The following MARCHF10 variants were observed in gnomAD, a reference collection of about 807,000 sequenced individuals.
The protein encoded by MARCHF10 is membrane associated ring-CH-type finger 10.
In MARCHF10, 64 loss-of-function variants were observed where a neutral mutation model predicts 76.2. That is an observed-to-expected ratio of 0.84 (90% CI 0.69 to 1.03). The LOEUF is 1.03. MARCHF10 is among the 50% of genes least tolerant of loss of function. The pLI is 0.00. For missense variants in MARCHF10, 875 were observed against 958.0 expected (o/e 0.91, Z 1.14); for synonymous variants, 340 against 357.5 (o/e 0.95, Z 0.55).
intron 3 of MARCHF10, among the ~76,000 whole-genome samples, chr17:62,762,512 G>A (rs558622255): frequency 1.3e-5 from 2 of 152,206 alleles, no homozygotes; most frequent in Admixed American, 6.5e-5. Flanking sequence ...TCTTTATTCT[G>A]TCTTCTTACG....
intron 6 of MARCHF10, among the ~76,000 whole-genome samples, chr17:62,727,458 C>G (rs967517396): frequency 6.6e-6 from 1 of 151,820 alleles, no homozygotes; most frequent in Non-Finnish European, 1.5e-5. Flanking sequence ...GGCTTGAGCT[C>G]AGGAGTTCAA....
chr17:62,772,050 G>A (rs1324761732), intron 3 of MARCHF10, among the ~76,000 whole-genome samples: 2 of 152,172 alleles, frequency 1.3e-5, no homozygotes, highest in African/African-American at 2.4e-5. Flanking sequence ...ACTTGGTGAC[G>A]AATTCAGTGC....
rs374170581 is a variant in MARCHF10 at position 62,736,666 on chromosome 17, A to T, written c.1202T>A (p.Leu401His). 2.5e-6 allele frequency: 4 copies of T among 1,614,012 alleles called. No homozygotes were observed. Among genetic ancestry groups the T allele is most frequent in the Non-Finnish European group, 3.4e-6 (4 of 1,180,026 alleles). ...GGSENAKKSP[L>H]SWDTKSEPRQ... ...GGGCTCGGATTTGGTGTCCCACGAA[A>T]GAGGGCTCTTTTTCGCATTTTCACT... is the stretch of plus-strand genomic sequence containing the variant. Residue 401 changes from leucine (L) to histidine (H), a missense_variant, in exon 6 of 11, where the codon CTT (leucine) becomes CAT (histidine). Physicochemically the swap from Leu to His is moderately conservative, Grantham distance 99. Coordinates refer to ENST00000311269, the MANE Select transcript of MARCHF10 (RefSeq NM_152598.4).
At chr17:62,740,271 T>C (rs1416805694) in intron 5 of MARCHF10, among the ~76,000 whole-genome samples, 1 of 152,148 alleles carries the variant, frequency 6.6e-6, no homozygotes, top group Non-Finnish European at 1.5e-5. Context: ...ATGCTGCAAA[T>C]GCTTCTCTGA....
chr17:62,714,471 A>G (rs939651010), intron 8 of MARCHF10: 2 of 959,392 alleles, frequency 2.1e-6, no homozygotes, highest in Non-Finnish European at 2.5e-6. Flanking sequence ...TTCCAGGTAA[A>G]TTGTCTGGGC....
At chr17:62,771,087 C>A (rs898076539) in intron 3 of MARCHF10, among the ~76,000 whole-genome samples, 22 of 152,062 alleles carry the variant, frequency 1.4e-4, no homozygotes, top group Non-Finnish European at 2.5e-4. Context: ...GATCTCCTGA[C>A]CTCATGATCC....
chr17:62,701,412 C>T lies in MARCHF10; in HGVS notation c.*291G>A, dbSNP rs1391034124. ...TGCCCTCAGCAGTGGGACCCCAGGC[C>T]ACTGGACCTGGCAGGGCTTCTGGGC... is the stretch of plus-strand genomic sequence containing the variant. On this transcript the variant is annotated 3_prime_UTR_variant, in exon 11 of 11. Transcript: ENST00000311269. 1.9e-6 allele frequency: 1 copy of T among 538,778 alleles called. No homozygotes were observed. The highest frequency in any genetic ancestry group is 3.2e-6 in the Non-Finnish European group (1 of 313,368). 33.4% of individuals were successfully genotyped at this position (538,778 alleles called of 1,614,324 possible).
chr17:62,712,217 C>A lies in MARCHF10; in HGVS notation c.2215-873G>T, dbSNP rs2089970018. On this transcript the variant is annotated intron_variant, in intron 8 of 10. Coordinates refer to ENST00000311269, the MANE Select transcript of MARCHF10 (RefSeq NM_152598.4). The surrounding 1 kb of genome is among the most constrained non-coding windows in gnomAD (Gnocchi z 4.2). ...AGTGGGGGTCTTGGGATGGGCCAGGCTGTGCTCACAAAGCCACCCAGCCCC... is the reference window on the plus strand; with the variant it reads ...AGTGGGGGTCTTGGGATGGGCCAGGATGTGCTCACAAAGCCACCCAGCCCC... 6.6e-6 allele frequency among the ~76,000 whole-genome samples: 1 copy of A among 152,258 alleles called. No individual in the cohort carries two copies. The highest frequency in any genetic ancestry group is 6.5e-5 in the Admixed American group (1 of 15,284).
chr17:62,750,722 C>A (rs868376476), intron 4 of MARCHF10, among the ~76,000 whole-genome samples: 4 of 152,216 alleles, frequency 2.6e-5, no homozygotes, highest in Admixed American at 1.3e-4. Context: ...CCAAGGGAAG[C>A]GGCACCAGCA....
At chr17:62,771,343 A>AG (rs906379957) in intron 3 of MARCHF10, among the ~76,000 whole-genome samples, 2 of 151,494 alleles carry the variant, frequency 1.3e-5, no homozygotes, top group Non-Finnish European at 2.9e-5. Flanking sequence ...GCATGGCGGG[A>AG]GGGGGTGAGT....
chr17:62,752,292 C>A (rs2091919796), intron 4 of MARCHF10, among the ~76,000 whole-genome samples: 1 of 152,134 alleles, frequency 6.6e-6, no homozygotes, highest in Admixed American at 6.5e-5. Flanking sequence ...GCCATTTCAG[C>A]CACCTCTTAC....
intron 3 of MARCHF10, among the ~76,000 whole-genome samples, chr17:62,785,347 C>T (rs1459166402): frequency 6.6e-6 from 1 of 152,158 alleles, no homozygotes; most frequent in Non-Finnish European, 1.5e-5. Context: ...AACTGAATCC[C>T]TTCCTTACAC....
chr17:62,712,086 A>G lies in MARCHF10; in HGVS notation c.2215-742T>C, dbSNP rs1352092405. Among the ~76,000 whole-genome samples, 1 of 152,160 alleles carries G rather than the reference A, an allele frequency of 6.6e-6. No individual in the cohort carries two copies. Among genetic ancestry groups the G allele is most frequent in the Non-Finnish European group, 1.5e-5 (1 of 68,024 alleles). The stretch of plus-strand genomic sequence containing the variant: ...TGCCAAGAGTGGCTGTGCTCACTCT[A>G]GACCTTTCACAGACCTTCCATAAAT... On this transcript the variant is annotated intron_variant, in intron 8 of 10. Coordinates refer to ENST00000311269, the MANE Select transcript of MARCHF10 (RefSeq NM_152598.4). The surrounding 1 kb of genome is among the most constrained non-coding windows in gnomAD (Gnocchi z 4.2).
chr17:62,792,808 T>TTAC (rs2092881926), intron 2 of MARCHF10, among the ~76,000 whole-genome samples: 1 of 66,444 alleles, frequency 1.5e-5, no homozygotes, highest in African/African-American at 7.7e-5. Flanking sequence ...ACCACCTCCA[T>TTAC]CACCACCACC....
chr17:62,725,153 T>G (rs760890556), intron 6 of MARCHF10, 49 bp from the exon 7 acceptor site: 2 of 1,503,728 alleles, frequency 1.3e-6, no homozygotes, highest in African/African-American at 2.9e-5. Flanking sequence ...ACGTTTGCAG[T>G]TTCTACAAAT....
At chr17:62,730,298 G>A (rs546649353) in intron 6 of MARCHF10, among the ~76,000 whole-genome samples, 24 of 152,350 alleles carry the variant, frequency 1.6e-4, no homozygotes, top group Admixed American at 7.8e-4. Flanking sequence ...GTGAAAGTCC[G>A]AAAACAGACT....
Position 62,744,456 on chromosome 17 carries a change from G to T in MARCHF10, c.455C>A (p.Ser152Ter). ...NLRRFTVSPE[S>*]HSPRASGDRS... The stretch of plus-strand genomic sequence containing the variant: ...GTCCCCAGATGCTCTCGGGCTGTGC[G>T]ATTCTGGGCTGACTGTAAATCTCCT... The change falls in exon 5 of 11, where the codon TCG (serine) becomes TAG (stop). Residue 152 changes from serine to a stop codon, truncating the protein, a stop_gained. Coordinates refer to ENST00000311269, the MANE Select transcript of MARCHF10 (RefSeq NM_152598.4). LOFTEE classifies it high-confidence loss of function. The T allele has an allele frequency of 6.2e-7, 1 of 1,614,174 alleles. No individual in the cohort carries two copies. Among genetic ancestry groups the T allele is most frequent in the Non-Finnish European group, 8.5e-7 (1 of 1,180,042 alleles).
At chr17:62,724,800 T>C in intron 7 of MARCHF10, 138 bp downstream of exon 7, 13 of 871,700 alleles carry the variant, frequency 1.5e-5, no homozygotes, top group Middle Eastern at 2.4e-4. Context: ...AGCAAGGATC[T>C]GGAGCTCAGC....
At chr17:62,710,521 G>T (rs1436913916) in intron 9 of MARCHF10, among the ~76,000 whole-genome samples, 2 of 131,958 alleles carry the variant, frequency 1.5e-5, no homozygotes, top group African/African-American at 2.9e-5. Flanking sequence ...AAAAATCTAG[G>T]TTTCTTATGA....
Sources: allele counts gnomAD v4.1 joint callset (sites outside exome capture counted in the v4.1 genomes callset), GRCh38; gene constraint gnomAD v4.1.1; non-coding constraint Gnocchi (gnomAD v3.1); transcripts MANE v1.5; gene names NCBI Gene and HGNC (gene_info 2026-07-23, HGNC 2026-07-21).